Variants in HS3ST5 observed in about 807,000 individuals in gnomAD.
HS3ST5 encodes heparan sulfate glucosamine 3-O-sulfotransferase 5.
In HS3ST5, 10 loss-of-function variants were observed where a neutral mutation model predicts 25.4. That is an observed-to-expected ratio of 0.39 (90% CI 0.24 to 0.67). The LOEUF (loss-of-function observed/expected upper bound fraction) is 0.67, where lower values mean the gene tolerates loss of function less well. Among genes scored for constraint, HS3ST5 ranks in the 30% least tolerant of loss-of-function variants. HS3ST5 has a pLI of 0.44. For missense variants in HS3ST5, 324 were observed against 420.7 expected (o/e 0.77, Z 2.01); for synonymous variants, 170 against 162.4 (o/e 1.05, Z -0.36).
intron 2 of HS3ST5, among the ~76,000 whole-genome samples, chr6:114,200,071 G>T (rs1037213681): frequency 1.3e-5 from 2 of 152,166 alleles, no homozygotes; most frequent in Non-Finnish European, 2.9e-5. Flanking sequence ...AACAAAATTA[G>T]CTGGGCGTGG....
chr6:114,252,903 A>G (rs1772729474), intron 1 of HS3ST5, among the ~76,000 whole-genome samples: 1 of 152,168 alleles, frequency 6.6e-6, no homozygotes, highest in Non-Finnish European at 1.5e-5. Flanking sequence ...TTTTAAGTTA[A>G]AAGAAACAGG....
At chr6:114,290,585 C>T (rs530542537) in intron 1 of HS3ST5, among the ~76,000 whole-genome samples, 11 of 152,198 alleles carry the variant, frequency 7.2e-5, no homozygotes, top group African/African-American at 2.6e-4. Flanking sequence ...TCCTGTTCCT[C>T]ACCAGCCTTG....
At chr6:114,091,234 A>G (rs1057505700) in intron 3 of HS3ST5, among the ~76,000 whole-genome samples, 5 of 152,176 alleles carry the variant, frequency 3.3e-5, no homozygotes, top group African/African-American at 1.2e-4. Context: ...TCACCTTGAC[A>G]TTCTAATTTT....
intron 1 of HS3ST5, among the ~76,000 whole-genome samples, chr6:114,286,082 T>C (rs1381795989): frequency 6.6e-6 from 1 of 151,862 alleles, no homozygotes; most frequent in African/African-American, 2.4e-5. Context: ...TGATACTTAC[T>C]CCTTTCCCGG....
intron 1 of HS3ST5, among the ~76,000 whole-genome samples, chr6:114,297,357 CG>C (rs1266114382): frequency 2.0e-5 from 3 of 152,046 alleles, no homozygotes; most frequent in African/African-American, 7.3e-5. Flanking sequence ...AAGGCCATTT[CG>C]GATACGCAGG....
intron 3 of HS3ST5, among the ~76,000 whole-genome samples, chr6:114,153,542 C>G (rs1778559505): frequency 6.6e-6 from 1 of 152,136 alleles, no homozygotes; most frequent in Non-Finnish European, 1.5e-5. Flanking sequence ...TCCCGTTGCA[C>G]CATATTGGTG....
rs5879257 is a variant in HS3ST5, at chr6:114,307,358, G to GTT, written c.-339+34835_-339+34836dup. Reference sequence around the variant, plus strand: ...TATGTATAGCACAAATATCCTTACTGTTTTTTTTTTTCCATCTAGTAATCT... The same window carrying GTT: ...TATGTATAGCACAAATATCCTTACTGTTTTTTTTTTTTTCCATCTAGTAATCT... On this transcript the variant is annotated intron_variant, in intron 1 of 4. Transcript: ENST00000312719. 1.1e-3 allele frequency among the ~76,000 whole-genome samples: 153 copies of GTT among 145,206 alleles called. 1 individual carries two copies. The highest frequency in any genetic ancestry group is 2.7e-3 in the African/African-American group (108 of 39,518).
At chr6:114,299,308 G>A (rs1774969758) in intron 1 of HS3ST5, among the ~76,000 whole-genome samples, 1 of 152,246 alleles carries the variant, frequency 6.6e-6, no homozygotes, top group African/African-American at 2.4e-5. Flanking sequence ...CTCAAACCCT[G>A]TCTGCTGATA....
intron 3 of HS3ST5, among the ~76,000 whole-genome samples, chr6:114,135,756 C>T (rs971295606): frequency 6.6e-6 from 1 of 152,196 alleles, no homozygotes; most frequent in Non-Finnish European, 1.5e-5. Flanking sequence ...TTTATTCTGT[C>T]CTTGCTCTTT....
At chr6:114,187,056 A>C (rs1207987285) in intron 2 of HS3ST5, among the ~76,000 whole-genome samples, 1 of 152,184 alleles carries the variant, frequency 6.6e-6, no homozygotes, top group Non-Finnish European at 1.5e-5. Flanking sequence ...TCCTTCCAAA[A>C]GATCACTGCT....
intron 3 of HS3ST5, among the ~76,000 whole-genome samples, chr6:114,107,572 G>C (rs1776055417): frequency 6.6e-6 from 1 of 152,198 alleles, no homozygotes; most frequent in African/African-American, 2.4e-5. Flanking sequence ...TGGATAGGGA[G>C]TGGTAAAACT....
At chr6:114,100,600 G>C (rs902018848) in intron 3 of HS3ST5, among the ~76,000 whole-genome samples, 6 of 152,082 alleles carry the variant, frequency 3.9e-5, no homozygotes, top group Admixed American at 6.6e-5. Flanking sequence ...TGTTTCTTGG[G>C]GGAGGAAGTT....
chr6:114,265,555 G>A (rs911844426), intron 1 of HS3ST5, among the ~76,000 whole-genome samples: 1 of 152,202 alleles, frequency 6.6e-6, no homozygotes, highest in African/African-American at 2.4e-5. Flanking sequence ...GAAAGGCTGT[G>A]TTGCAGGAGA....
chr6:114,178,159 T>C (rs9384892), intron 2 of HS3ST5, among the ~76,000 whole-genome samples: 147,802 of 152,320 alleles, frequency 0.97, 71,872 homozygotes, highest in East Asian at 1. Context: ...ATTCTATATA[T>C]ATGAACAAAG....
chr6:114,173,146 A>C (rs1779547006), intron 2 of HS3ST5, among the ~76,000 whole-genome samples: 1 of 152,216 alleles, frequency 6.6e-6, no homozygotes, highest in Non-Finnish European at 1.5e-5. Context: ...TTGATATATT[A>C]GTACATGTCT....
intron 1 of HS3ST5, among the ~76,000 whole-genome samples, chr6:114,267,550 C>A (rs1773459465): frequency 6.6e-6 from 1 of 152,132 alleles, no homozygotes; most frequent in South Asian, 2.1e-4. Context: ...GGCACAAGCA[C>A]CCTTCCTAGA....
intron 2 of HS3ST5, among the ~76,000 whole-genome samples, chr6:114,192,519 G>GT (rs1780551596): frequency 6.6e-6 from 1 of 151,992 alleles, no homozygotes; most frequent in African/African-American, 2.4e-5. Context: ...TTCCACCCAG[G>GT]TTTTTTTGAA....
intron 1 of HS3ST5, among the ~76,000 whole-genome samples, chr6:114,297,146 A>T (rs1185279107): frequency 6.6e-6 from 1 of 152,122 alleles, no homozygotes; most frequent in Non-Finnish European, 1.5e-5. Context: ...CTTCCCCCAA[A>T]TCACACAGCT....
chr6:114,123,858 T>A (rs1234857781), intron 3 of HS3ST5, among the ~76,000 whole-genome samples: 1 of 152,216 alleles, frequency 6.6e-6, no homozygotes, highest in African/African-American at 2.4e-5. Context: ...CTTCCAAGAT[T>A]TTACAACCCT....
Sources: gnomAD v4.1 joint callset for allele counts (sites outside exome capture counted in the v4.1 genomes callset) on GRCh38, gnomAD v4.1.1 for gene constraint, MANE v1.5 for transcripts, NCBI Gene and HGNC (gene_info 2026-07-23, HGNC 2026-07-21) for gene names.